MMS19: variants seen among roughly 807,000 people sequenced by gnomAD.
The protein encoded by MMS19 is MMS19 nucleotide excision repair protein homolog.
Under a neutral mutation model 129.8 loss-of-function variants are expected in MMS19, and 77 were observed. The ratio of observed to expected loss-of-function variants is 0.59; its 90% confidence interval spans 0.49 to 0.72. The LOEUF is 0.72. MMS19 is among the 30% of genes least tolerant of loss of function. MMS19 has a pLI of 0.00. For synonymous variants in MMS19, 491 were observed against 502.8 expected, an observed-to-expected ratio of 0.98 and a Z score of 0.31; for missense variants, 1,168 against 1,266.3, an observed-to-expected ratio of 0.92 and a Z score of 1.18.
At position 97,462,568 on chromosome 10, in the gene MMS19, C is replaced by G. The variant is rs775917506; in HGVS notation, c.2012+15G>C. 3.1e-6 allele frequency: 5 copies of G among 1,600,078 alleles called. No individual in the cohort carries two copies. The highest frequency in any genetic ancestry group is 2.2e-5 in the East Asian group (1 of 44,822). ...CTTCTCCCTGGGTTCAAGCCACATC[C>G]ATGATTATACTTACTCAGGGCTCAG... On this transcript the variant is annotated intron_variant, in intron 20 of 30. Coordinates refer to ENST00000438925, the MANE Select transcript of MMS19 (RefSeq NM_022362.5).
At chr10:97,472,768 C>T (rs772322139) in intron 8 of MMS19, among the ~76,000 whole-genome samples, 1 of 152,028 alleles carries the variant, frequency 6.6e-6, no homozygotes, top group Non-Finnish European at 1.5e-5. Context: ...ACCACCACGC[C>T]CAGTTAATTT....
intron 1 of MMS19, among the ~76,000 whole-genome samples, chr10:97,497,696 G>A (rs1479477199): frequency 6.6e-6 from 1 of 152,308 alleles, no homozygotes; most frequent in South Asian, 2.1e-4. Flanking sequence ...ACGTCATGGA[G>A]CAAACTAATC....
At chr10:97,481,637 G>A (rs1169611478) in intron 2 of MMS19, among the ~76,000 whole-genome samples, 1 of 152,120 alleles carries the variant, frequency 6.6e-6, no homozygotes, top group Non-Finnish European at 1.5e-5. Context: ...TATAGGAGAA[G>A]CTGGACTGAA....
Position 97,458,644 on chromosome 10 carries a change from G to GTAA in MMS19, c.*45_*47dup. The GTAA allele has an allele frequency of 6.4e-7, 1 of 1,558,754 alleles. No individual in the cohort carries two copies. Among genetic ancestry groups the GTAA allele is most frequent in the Non-Finnish European group, 8.7e-7 (1 of 1,149,908 alleles). ...TTTGGGGAAGATGGCTCAACAGTTA[G>GTAA]TAATCCCAGGTTAGATTGTCAGAAC... On this transcript the variant is annotated 3_prime_UTR_variant, in exon 31 of 31. Transcript: ENST00000438925.
intron 8 of MMS19, among the ~76,000 whole-genome samples, chr10:97,476,365 T>A (rs551147144): frequency 3.9e-5 from 6 of 152,206 alleles, no homozygotes; most frequent in Non-Finnish European, 8.8e-5. Context: ...ACAGCTATAG[T>A]ACTACTCATT....
At chr10:97,480,154 G>A (rs1459513915) in intron 3 of MMS19, 2 of 376,278 alleles carry the variant, frequency 5.3e-6, no homozygotes, top group Non-Finnish European at 1.0e-5. Flanking sequence ...TTTTTTGCCG[G>A]CTATGTGAAT....
At chr10:97,463,003 G>GAA in intron 19 of MMS19, 4 of 270,790 alleles carry the variant, frequency 1.5e-5, no homozygotes, top group East Asian at 8.2e-5. Context: ...GAGATGCAAG[G>GAA]AAAAAAAAAT....
In MMS19 at chr10:97,477,354, C is replaced by T. The variant is rs759164962; in HGVS notation, c.486G>A (p.Arg162=). ...YNIITNFMRT[R]EEELKSLGAD... is the part of the protein sequence containing the mutation. ...GAAAGCTCTGTCTCTTACCTTCTTC[C>T]CGGGTTCGCATAAAATTGGTGATGA... Residue 162 remains arginine, a synonymous_variant, in exon 6 of 31, where the codon CGG becomes CGA. Transcript: ENST00000438925. 1 of 1,613,952 alleles carries T rather than the reference C, an allele frequency of 6.2e-7. No homozygotes were observed.
At chr10:97,477,212 C>A in intron 6 of MMS19, 135 bp downstream of exon 6, 1 of 1,521,184 alleles carries the variant, frequency 6.6e-7, no homozygotes, top group Admixed American at 2.3e-5. Context: ...GGGAGCAGAC[C>A]CCCTCTTTCC....
In MMS19 at chr10:97,470,976, T is replaced by C. The variant is rs181396355; in HGVS notation, c.685-115A>G. The C allele has an allele frequency of 2.8e-3, 1,814 of 656,210 alleles. 1 individual carries two copies. The highest frequency in any genetic ancestry group is 0.01 in the Middle Eastern group (24 of 2,398). 40.6% of individuals were successfully genotyped at this position (656,210 alleles called of 1,614,324 possible). The stretch of plus-strand genomic sequence containing the variant: ...GATACTCATACCCAATCAGGGAAGA[T>C]AGTAAGATAATGAGGCCCCAGCAAG... On this transcript the variant is annotated intron_variant, in intron 8 of 30. Transcript: ENST00000438925.
At chr10:97,493,990 G>A (rs1357945931) in intron 1 of MMS19, among the ~76,000 whole-genome samples, 3 of 152,136 alleles carry the variant, frequency 2.0e-5, no homozygotes, top group East Asian at 3.8e-4. Context: ...ACTCCAGCCT[G>A]GGCAACAGAG....
At chr10:97,492,497 AAG>A (rs2039082456) in intron 1 of MMS19, among the ~76,000 whole-genome samples, 1 of 151,414 alleles carries the variant, frequency 6.6e-6, no homozygotes, top group African/African-American at 2.4e-5. Flanking sequence ...AAAGAAAAGA[AAG>A]AAAAAATTAG....
At chr10:97,495,219 G>T (rs562645617) in intron 1 of MMS19, among the ~76,000 whole-genome samples, 15 of 152,188 alleles carry the variant, frequency 9.9e-5, no homozygotes, top group Non-Finnish European at 1.9e-4. Context: ...AAACGTCCAG[G>T]GAGCAGTGAG....
intron 23 of MMS19, 199 bp from the exon 24 acceptor site, chr10:97,461,206 G>C: frequency 1.6e-6 from 1 of 608,866 alleles, no homozygotes; most frequent in South Asian, 2.1e-5. Context: ...CATTTGAAAA[G>C]AGAGGGTCAT....
At chr10:97,498,702 G>A, upstream of MMS19, 1 of 387,694 alleles carries the variant, frequency 2.6e-6, no homozygotes, top group South Asian at 3.2e-5. Context: ...GCACCACGGG[G>A]GAAGCCAATG....
intron 23 of MMS19, 100 bp from the exon 24 acceptor site, chr10:97,461,107 T>C: frequency 1.0e-6 from 1 of 978,078 alleles, no homozygotes; most frequent in Non-Finnish European, 1.5e-6. Flanking sequence ...GAGAAGCTGT[T>C]AGAAAGGGAA....
intron 3 of MMS19, among the ~76,000 whole-genome samples, chr10:97,479,765 A>G (rs2036418832): frequency 1.3e-5 from 2 of 152,302 alleles, no homozygotes; most frequent in Admixed American, 1.3e-4. Context: ...ACATCTACAT[A>G]TAAACAATGC....
At chr10:97,491,634 G>C (rs184024456) in intron 1 of MMS19, among the ~76,000 whole-genome samples, 1 of 152,292 alleles carries the variant, frequency 6.6e-6, no homozygotes, top group Non-Finnish European at 1.5e-5. Context: ...CTGGGCGATA[G>C]AGCGAGACTC....
chr10:97,498,090 T>C (rs1391251453), intron 1 of MMS19, among the ~76,000 whole-genome samples, 183 bp downstream of exon 1: 1 of 152,234 alleles, frequency 6.6e-6, no homozygotes, highest in African/African-American at 2.4e-5. Context: ...GTAAATGGTT[T>C]TAAGGAAGAC....
Sources: allele counts gnomAD v4.1 joint callset (sites outside exome capture counted in the v4.1 genomes callset), GRCh38; gene constraint gnomAD v4.1.1; transcripts MANE v1.5; gene names NCBI Gene and HGNC (gene_info 2026-07-23, HGNC 2026-07-21).